TPP2: variants seen among roughly 807,000 people sequenced by gnomAD.
TPP2 encodes tripeptidyl peptidase 2.
In TPP2, 34 loss-of-function variants were observed where a neutral mutation model predicts 155.9. That is an observed-to-expected ratio of 0.22 (90% confidence interval 0.17 to 0.29). The LOEUF is 0.29. Ranked by LOEUF, TPP2 falls within the 10% of genes least tolerant of loss-of-function variation. The pLI, the probability that TPP2 is intolerant of heterozygous loss-of-function variation, is 1.00. For missense variants in TPP2, 1,028 were observed against 1,522.3 expected, an observed-to-expected ratio of 0.68 and a Z score of 5.40; for synonymous variants, 510 against 529.4, an observed-to-expected ratio of 0.96 and a Z score of 0.50.
intron 25 of TPP2, among the ~76,000 whole-genome samples, chr13:102,661,130 TAATC>T (rs1313806632): frequency 1.3e-5 from 2 of 151,944 alleles, no homozygotes; most frequent in African/African-American, 2.4e-5. Flanking sequence ...AATTTGGACT[TAATC>T]AAGATTAAAA....
chr13:102,604,634 A>G (rs1027633115), intron 1 of TPP2, among the ~76,000 whole-genome samples, 159 bp from the exon 2 acceptor site: 3 of 152,180 alleles, frequency 2.0e-5, no homozygotes, highest in African/African-American at 7.2e-5. Flanking sequence ...AAATTTTCTT[A>G]CTAGTATTTG....
At chr13:102,657,408 T>C (rs1007025138) in intron 25 of TPP2, among the ~76,000 whole-genome samples, 1 of 151,742 alleles carries the variant, frequency 6.6e-6, no homozygotes, top group Admixed American at 6.6e-5. Flanking sequence ...TGATTAAATG[T>C]TTTAATTTTT....
chr13:102,630,522 T>A (rs575208936), intron 10 of TPP2, among the ~76,000 whole-genome samples: 22 of 152,304 alleles, frequency 1.4e-4, no homozygotes, highest in African/African-American at 5.3e-4. Context: ...AAATAGTTTT[T>A]GATATTTGAA....
At chr13:102,645,472 T>A (rs1484021891) in intron 19 of TPP2, among the ~76,000 whole-genome samples, 1 of 152,216 alleles carries the variant, frequency 6.6e-6, no homozygotes, top group East Asian at 1.9e-4. Context: ...CTCACTGTGT[T>A]ATAAAGATAC....
At chr13:102,638,745 A>C (rs1882558333) in intron 15 of TPP2, among the ~76,000 whole-genome samples, 1 of 151,384 alleles carries the variant, frequency 6.6e-6, no homozygotes, top group African/African-American at 2.4e-5. Flanking sequence ...CTGTAGAAGC[A>C]GAAGTTAAGA....
At chr13:102,678,200 A>C in intron 29 of TPP2, 27 bp from the exon 30 acceptor site, 1 of 1,580,178 alleles carries the variant, frequency 6.3e-7, no homozygotes, top group Non-Finnish European at 8.6e-7. Context: ...TTCCTTTATA[A>C]TAATATATTA....
intron 28 of TPP2, among the ~76,000 whole-genome samples, chr13:102,675,309 T>C (rs1885220885): frequency 1.3e-5 from 2 of 152,202 alleles, no homozygotes; most frequent in South Asian, 4.1e-4. Context: ...TTTGGGAAAC[T>C]GAAGGAGCCA....
intron 4 of TPP2, 59 bp downstream of exon 4, chr13:102,616,559 C>G: frequency 7.3e-7 from 1 of 1,364,300 alleles, no homozygotes; most frequent in Non-Finnish European, 1.0e-6. Flanking sequence ...CATAGAGTTT[C>G]TACAGAACTA....
At chr13:102,629,944 C>T (rs1881905002) in intron 9 of TPP2, 152 bp from the exon 10 acceptor site, 2 of 660,980 alleles carry the variant, frequency 3.0e-6, no homozygotes, top group Admixed American at 3.3e-5. Flanking sequence ...ACATAGTAGA[C>T]TTTCCTTGTT....
At chr13:102,656,943 G>A (rs1883896719) in intron 24 of TPP2, 113 bp from the exon 25 acceptor site, 3 of 1,136,726 alleles carry the variant, frequency 2.6e-6, no homozygotes, top group Non-Finnish European at 3.7e-6. Flanking sequence ...CTAGAATACA[G>A]TGTAGTACAA....
At chr13:102,646,414 T>G in intron 20 of TPP2, 24 bp downstream of exon 20, 1 of 1,576,198 alleles carries the variant, frequency 6.3e-7, no homozygotes, top group African/African-American at 1.4e-5. Flanking sequence ...TAGTAAAGTG[T>G]ACCCTTAGGA....
intron 1 of TPP2, among the ~76,000 whole-genome samples, chr13:102,603,622 G>A (rs6491697): frequency 0.011 from 1,623 of 152,258 alleles, 32 homozygotes; most frequent in African/African-American, 0.036. Flanking sequence ...GGGGTGGCAG[G>A]GGTCAGATGG....
intron 27 of TPP2, among the ~76,000 whole-genome samples, chr13:102,666,150 G>A (rs1884579917): frequency 6.6e-6 from 1 of 152,204 alleles, no homozygotes; most frequent in Non-Finnish European, 1.5e-5. Flanking sequence ...CAACATGGAA[G>A]GCAGGGGCCT....
intron 14 of TPP2, among the ~76,000 whole-genome samples, chr13:102,637,485 A>G (rs999239763): frequency 2.6e-5 from 4 of 152,196 alleles, no homozygotes; most frequent in African/African-American, 4.8e-5. Flanking sequence ...GAACCTTTCA[A>G]TTAGATCTCC....
chr13:102,612,213 G>A (rs532448104), intron 2 of TPP2, among the ~76,000 whole-genome samples: 9 of 152,192 alleles, frequency 5.9e-5, no homozygotes, highest in South Asian at 2.1e-4. Context: ...GAAACTGTGC[G>A]TGTGCCCTGG....
chr13:102,665,666 G>A (rs762324287), intron 27 of TPP2, among the ~76,000 whole-genome samples: 3 of 152,094 alleles, frequency 2.0e-5, no homozygotes, highest in Non-Finnish European at 2.9e-5. Flanking sequence ...TCAGTTACTT[G>A]TTTATCACTT....
At chr13:102,655,322 T>G (rs1595197016) in intron 24 of TPP2, among the ~76,000 whole-genome samples, 1 of 152,208 alleles carries the variant, frequency 6.6e-6, no homozygotes, top group East Asian at 1.9e-4. Context: ...TATTATTTTT[T>G]TACTCAACCA....
In TPP2 at chr13:102,634,085, C is replaced by T; in HGVS notation, c.1380C>T (p.Ala460=). The T allele has an allele frequency of 3.1e-6, 5 of 1,614,018 alleles. No homozygotes were observed. The highest frequency in any genetic ancestry group is 4.2e-6 in the Non-Finnish European group (5 of 1,179,948). The change falls in exon 11 of 30, where the codon GCC becomes GCT. Residue 460 remains alanine, a synonymous_variant. Transcript: ENST00000376052. ...CCCCCAATGCATGTGGAGGCATTGC[C>T]CTGATCCTTTCAGGTAAGCGTGTTC... ...MSSPNACGGI[A]LILSGLKANN...
intron 1 of TPP2, among the ~76,000 whole-genome samples, chr13:102,604,336 C>T (rs1482846170): frequency 6.6e-6 from 1 of 152,158 alleles, no homozygotes; most frequent in African/African-American, 2.4e-5. Flanking sequence ...CCACACTGAC[C>T]ATCTCCCTTC....
Sources: allele counts gnomAD v4.1 joint callset (sites outside exome capture counted in the v4.1 genomes callset), GRCh38; gene constraint gnomAD v4.1.1; transcripts MANE v1.5; gene names NCBI Gene and HGNC (gene_info 2026-07-23, HGNC 2026-07-21).